The following ZSWIM4 variants were observed in gnomAD, a reference collection of about 807,000 sequenced individuals.
ZSWIM4 encodes the protein zinc finger SWIM-type containing 4.
A neutral mutation model predicts 102.5 loss-of-function variants in ZSWIM4; 62 were observed. That is an observed-to-expected ratio of 0.60 (90% confidence interval 0.49 to 0.75). The LOEUF is 0.75. Among genes scored for constraint, ZSWIM4 ranks in the 30% least tolerant of loss-of-function variants. The probability of loss-of-function intolerance (pLI) is 0.00; values close to 1 mark genes in which losing one functional copy is unlikely to be tolerated. For missense variants in ZSWIM4, 1,280 were observed against 1,529.6 expected (o/e 0.84, Z 2.72); for synonymous variants, 652 against 674.5 (o/e 0.97, Z 0.52).
In ZSWIM4 at chr19:13,828,709, G is replaced by C. The variant is rs1360456732; in HGVS notation, c.2444G>C (p.Ser815Thr). Reference protein sequence around the residue: ...RRREMVRWLVSCATEIGPQAL... With the variant: ...RRREMVRWLVTCATEIGPQAL... ...AGGGAGATGGTGCGCTGGCTGGTCA[G>C]CTGTGCCACAGAGATTGGTGAGAGC... Residue 815 changes from serine to threonine, a missense_variant, in exon 13 of 14, where the codon AGC (serine) becomes ACC (threonine). Physicochemically the swap from Ser to Thr is moderately conservative, Grantham distance 58. Transcript: ENST00000590508. 4.3e-6 allele frequency: 7 copies of C among 1,614,078 alleles called. No individual in the cohort carries two copies. In the African/African-American group the frequency reaches 9.3e-5, roughly 22 times the overall value.
chr19:13,798,360 C>A (rs1974665290), intron 1 of ZSWIM4, among the ~76,000 whole-genome samples: 1 of 151,994 alleles, frequency 6.6e-6, no homozygotes, highest in Admixed American at 6.6e-5. Context: ...GTTGCTCACG[C>A]TGGTCTGGAA....
At chr19:13,815,048 GCTA>G (rs1975232709) in intron 7 of ZSWIM4, 183 bp downstream of exon 7, 1 of 262,258 alleles carries the variant, frequency 3.8e-6, no homozygotes. Flanking sequence ...TGTAGTCCCA[GCTA>G]CTCTGTAGGC....
At position 13,825,866 on chromosome 19, in the gene ZSWIM4, C is replaced by T. The variant is rs908290630; in HGVS notation, c.2379+153C>T. On this transcript the variant is annotated intron_variant, in intron 12 of 13. Coordinates refer to ENST00000590508, the MANE Select transcript of ZSWIM4 (RefSeq NM_001367834.3). The surrounding 1 kb of genome is among the most constrained non-coding windows in gnomAD (Gnocchi z 4.6). ...TATTCCTCTGTGGCTGGGGACTGAG[C>T]GAGAACCACTCTTGGGGCGGGGACT... is the stretch of plus-strand genomic sequence containing the variant. Among the ~76,000 whole-genome samples, 1 of 152,090 alleles carries T rather than the reference C, an allele frequency of 6.6e-6. No individual in the cohort carries two copies. The highest frequency in any genetic ancestry group is 1.5e-5 in the Non-Finnish European group (1 of 68,018).
chr19:13,813,154 C>T lies in ZSWIM4; in HGVS notation c.1170C>T (p.Ala390=). 1 of 1,612,178 alleles carries T rather than the reference C, an allele frequency of 6.2e-7. No individual in the cohort carries two copies. The highest frequency in any genetic ancestry group is 1.1e-5 in the South Asian group (1 of 90,954). Residue 390 remains alanine, a synonymous_variant, in exon 6 of 14, where the codon GCC becomes GCT. Coordinates refer to ENST00000590508, the MANE Select transcript of ZSWIM4 (RefSeq NM_001367834.3). ...FDGPSLQPTM[A]PAPGSEEEEE... is the part of the protein sequence containing the mutation. ...GCCCCAGCCTGCAGCCCACCATGGC[C>T]CCCGCCCCAGGTAGGAGAGAGGGGT... is the stretch of plus-strand genomic sequence containing the variant.
Position 13,830,707 on chromosome 19 carries a change from C to T in ZSWIM4, c.2978C>T (p.Ala993Val), listed in dbSNP as rs1599622289. 1 of 1,607,718 alleles carries T rather than the reference C, an allele frequency of 6.2e-7. No individual in the cohort carries two copies. Among genetic ancestry groups the T allele is most frequent in the Non-Finnish European group, 8.5e-7 (1 of 1,178,848 alleles). Residue 993 changes from alanine (A) to valine (V), a missense_variant, in exon 14 of 14, where the codon GCC (alanine) becomes GTC (valine). Physicochemically the swap from Ala to Val is moderately conservative, Grantham distance 64 (BLOSUM62 0). Coordinates refer to ENST00000590508, the MANE Select transcript of ZSWIM4 (RefSeq NM_001367834.3). ...CTCATCATTCGCAGCATCCACTGTG[C>T]CCCAATGCTGTCCGATATTCTGCGC... Reference protein sequence around the residue: ...VPLIIRSIHCAPMLSDILRRW... With the variant: ...VPLIIRSIHCVPMLSDILRRW...
intron 2 of ZSWIM4, 121 bp from the exon 3 acceptor site, chr19:13,804,671 G>A (rs943918473): frequency 1.2e-5 from 9 of 760,926 alleles, no homozygotes; most frequent in Non-Finnish European, 1.9e-5. Context: ...TGCAAAGTGA[G>A]TGAGGTGACT....
rs1037183144 is a variant in ZSWIM4 at position 13,817,320 on chromosome 19, C to T, written c.1636C>T (p.Arg546Cys). The T allele has an allele frequency of 1.2e-6, 2 of 1,613,948 alleles. No homozygotes were observed. Among genetic ancestry groups the T allele is most frequent in the Non-Finnish European group, 1.7e-6 (2 of 1,179,880 alleles). ...CTGCAGGGCGCTCCTGGAGGCCTGT[C>T]GTCTGGAGGAGGAGACACTTACCCT... Reference protein sequence around the residue: ...CLCRALLEACRLEEETLTLYP... With the variant: ...CLCRALLEACCLEEETLTLYP... Residue 546 changes from arginine to cysteine, a missense_variant, in exon 8 of 14, where the codon CGT (arginine) becomes TGT (cysteine). Arg to Cys is a radical substitution (Grantham distance 180). Transcript: ENST00000590508.
intron 10 of ZSWIM4, among the ~76,000 whole-genome samples, chr19:13,822,745 C>T (rs1485643733): frequency 1.3e-5 from 2 of 152,018 alleles, no homozygotes; most frequent in Non-Finnish European, 2.9e-5. Context: ...TTTGGGAGGC[C>T]GAGGAGGGCG....
intron 6 of ZSWIM4, among the ~76,000 whole-genome samples, chr19:13,813,975 G>A (rs1044067172): frequency 5.3e-5 from 8 of 150,304 alleles, no homozygotes; most frequent in African/African-American, 2.0e-4. Flanking sequence ...GTAGGAAGAG[G>A]AAGACAGACA....
intron 3 of ZSWIM4, among the ~76,000 whole-genome samples, chr19:13,808,069 A>G (rs1330783320): frequency 6.6e-6 from 1 of 152,000 alleles, no homozygotes; most frequent in Non-Finnish European, 1.5e-5. Context: ...GGGAGACACT[A>G]CACACTTTCA....
chr19:13,795,685 C>T lies in ZSWIM4; in HGVS notation c.37C>T (p.Pro13Ser), dbSNP rs993220253. ...CGCGGCCAAGCGGAGCCGGGGCTGC[C>T]CCGCGGGACCCGAGGAGCGCGATGC... ...PPAAKRSRGC[P>S]AGPEERDAGA... Residue 13 changes from proline to serine, a missense_variant, in exon 1 of 14, where the codon CCC becomes TCC. Coordinates refer to ENST00000590508, the MANE Select transcript of ZSWIM4 (RefSeq NM_001367834.3). 1 of 1,070,992 alleles carries T rather than the reference C, an allele frequency of 9.3e-7. No individual in the cohort carries two copies. The highest frequency in any genetic ancestry group is 1.7e-5 in the African/African-American group (1 of 60,496). 66.3% of individuals were successfully genotyped at this position (1,070,992 alleles called of 1,614,324 possible).
rs571371851 is a variant in ZSWIM4, at chr19:13,830,731, G to T, written c.3002G>T (p.Arg1001Leu). The T allele has an allele frequency of 6.2e-7, 1 of 1,608,120 alleles. No homozygotes were observed. The highest frequency in any genetic ancestry group is 1.7e-5 in the Admixed American group (1 of 59,784). The change falls in exon 14 of 14, where the codon CGC (arginine) becomes CTC (leucine). Residue 1001 changes from arginine to leucine, a missense_variant. Transcript: ENST00000590508. The stretch of plus-strand genomic sequence containing the variant: ...GCCCCAATGCTGTCCGATATTCTGC[G>T]CCGCTGGACTCTCTCGGCGCCCGGT... ...HCAPMLSDIL[R>L]RWTLSAPGLG... is the part of the protein sequence containing the mutation.
rs935470432 is a variant in ZSWIM4, at chr19:13,809,002, G to T, written c.861+18G>T. 1 of 1,609,348 alleles carries T rather than the reference G, an allele frequency of 6.2e-7. No homozygotes were observed. Among genetic ancestry groups the T allele is most frequent in the Non-Finnish European group, 8.5e-7 (1 of 1,176,972 alleles). On this transcript the variant is annotated intron_variant, in intron 4 of 13. Transcript: ENST00000590508. This position sits in a 1 kb window ranked among gnomAD's most constrained non-coding sequence, Gnocchi z 4.2. ...TCAGCAAGGTGCCGTGCGGGCCGGC[G>T]GGGCGCGGGGTGCAGAAGGCCCCGG...
chr19:13,798,499 G>C (rs904589087), intron 1 of ZSWIM4, among the ~76,000 whole-genome samples: 24 of 152,162 alleles, frequency 1.6e-4, no homozygotes, highest in Non-Finnish European at 3.5e-4. Flanking sequence ...ACCAAAGCCT[G>C]GTGGGTGGGA....
chr19:13,813,932 AAAAG>A (rs1243551795), intron 6 of ZSWIM4, among the ~76,000 whole-genome samples: 106 of 151,570 alleles, frequency 7.0e-4, no homozygotes, highest in Non-Finnish European at 5.2e-4. Context: ...AAAAAAAAAA[AAAAG>A]AAAGAAAGAA....
At position 13,804,991 on chromosome 19, in the gene ZSWIM4, GC is replaced by G. The variant is rs1974879084; in HGVS notation, c.556del (p.Leu186CysfsTer10). ...GGCACGCCCACCAGGTGGAGCTGCG[GC>G]TGCCCATCTCCGAGACGCTCTCCCA... ...IRHAHQVELR[L>X]PISETLSQMN... On this transcript the variant is annotated frameshift_variant, in exon 3 of 14. Transcript: ENST00000590508. LOFTEE classifies it high-confidence loss of function. The G allele has an allele frequency of 4.3e-6, 7 of 1,612,626 alleles. No homozygotes were observed. The highest frequency in any genetic ancestry group is 5.9e-6 in the Non-Finnish European group (7 of 1,180,042).
chr19:13,830,540 G>A lies in ZSWIM4; in HGVS notation c.2811G>A (p.Arg937=). Residue 937 remains arginine (R), a synonymous_variant, in exon 14 of 14, where the codon CGG becomes CGA. Transcript: ENST00000590508. ...RYMEHRGLPL[R]AYKLATLALA... Reference sequence around the variant, plus strand: ...TGGAGCACCGCGGGCTGCCGCTCCGGGCCTACAAGCTGGCGACGCTGGCCC... The same window carrying A: ...TGGAGCACCGCGGGCTGCCGCTCCGAGCCTACAAGCTGGCGACGCTGGCCC... The A allele has an allele frequency of 1.3e-6, 2 of 1,599,560 alleles. No individual in the cohort carries two copies. Among genetic ancestry groups the A allele is most frequent in the Non-Finnish European group, 1.7e-6 (2 of 1,179,468 alleles).
At chr19:13,816,094 A>G (rs1052821827) in intron 7 of ZSWIM4, among the ~76,000 whole-genome samples, 1 of 151,824 alleles carries the variant, frequency 6.6e-6, no homozygotes, top group Non-Finnish European at 1.5e-5. Context: ...ATGAGCCCCA[A>G]AAACCACATT....
rs371500986 is a variant in ZSWIM4, at chr19:13,805,008, C to T, written c.572C>T (p.Thr191Met). The T allele has an allele frequency of 6.8e-6, 11 of 1,612,458 alleles. No homozygotes were observed. Among genetic ancestry groups the T allele is most frequent in the Admixed American group, 5.0e-5 (3 of 60,026 alleles). The change falls in exon 3 of 14, where the codon ACG becomes ATG. Residue 191 changes from threonine to methionine, a missense_variant. By Grantham distance (81) the Thr-to-Met change is moderately conservative. Transcript: ENST00000590508. ...GAGCTGCGGCTGCCCATCTCCGAGA[C>T]GCTCTCCCAGATGAACCGGGACCAG... ...QVELRLPISETLSQMNRDQLQ... is the reference protein window; with the variant it reads ...QVELRLPISEMLSQMNRDQLQ...
Sources: gnomAD v4.1 joint callset for allele counts (sites outside exome capture counted in the v4.1 genomes callset) on GRCh38, gnomAD v4.1.1 for gene constraint, Gnocchi (gnomAD v3.1) non-coding constraint, MANE v1.5 for transcripts, NCBI Gene and HGNC (gene_info 2026-07-23, HGNC 2026-07-21) for gene names.